DLG2: variants seen among roughly 807,000 people sequenced by gnomAD.
DLG2 encodes the protein disks large homolog 2.
DLG2 carries 45 observed loss-of-function variants against 132.5 expected under a neutral mutation model. The observed-to-expected ratio is 0.34, with a 90% CI of 0.27 to 0.44. The LOEUF (loss-of-function observed/expected upper bound fraction) is 0.44, where lower values mean the gene tolerates loss of function less well. Ranked by LOEUF, DLG2 falls within the 20% of genes least tolerant of loss-of-function variation. The pLI, the probability that DLG2 is intolerant of heterozygous loss-of-function variation, is 1.00. For synonymous variants in DLG2, 424 were observed against 419.6 expected (o/e 1.01, Z -0.13); for missense variants, 1,045 against 1,196.9 (o/e 0.87, Z 1.87).
chr11:84,527,548 T>C (rs1290513189), intron 7 of DLG2, among the ~76,000 whole-genome samples: 2 of 152,276 alleles, frequency 1.3e-5, no homozygotes, highest in East Asian at 1.9e-4. Context: ...CCAGCAAAGC[T>C]TCCCAGAACT....
intron 18 of DLG2, among the ~76,000 whole-genome samples, chr11:83,766,058 G>A (rs1205255106): frequency 1.3e-5 from 2 of 150,320 alleles, no homozygotes; most frequent in Non-Finnish European, 3.0e-5. Context: ...GAAGCAATAT[G>A]AATATTAAAA....
chr11:85,512,033 T>G (rs942312061), intron 3 of DLG2, among the ~76,000 whole-genome samples: 2 of 152,114 alleles, frequency 1.3e-5, no homozygotes, highest in African/African-American at 2.4e-5. Flanking sequence ...TCCATGGTGT[T>G]TCTCAGGAAG....
intron 3 of DLG2, among the ~76,000 whole-genome samples, chr11:85,402,447 T>G (rs2088234958): frequency 6.6e-6 from 1 of 152,068 alleles, no homozygotes; most frequent in South Asian, 2.1e-4. Context: ...ACCCCATGAC[T>G]AAAACACCAA....
chr11:85,331,594 G>T (rs139925311), intron 3 of DLG2, among the ~76,000 whole-genome samples: 2 of 152,294 alleles, frequency 1.3e-5, no homozygotes, highest in African/African-American at 2.4e-5. Context: ...CTGATAGGTA[G>T]TTCATCAAAC....
intron 2 of DLG2, among the ~76,000 whole-genome samples, chr11:85,622,609 A>G (rs1244323497): frequency 6.6e-6 from 1 of 150,998 alleles, no homozygotes; most frequent in Admixed American, 6.6e-5. Context: ...GAGAGTCATA[A>G]GGTCCTCTTC....
chr11:84,542,128 T>TGAGAGAGAGAGA (rs59128357), intron 6 of DLG2, among the ~76,000 whole-genome samples: 27 of 147,032 alleles, frequency 1.8e-4, no homozygotes, highest in Middle Eastern at 3.6e-3. Context: ...ACAGTACTGA[T>TGAGAGAGAGAGA]GAGAGAGAGA....
intron 6 of DLG2, among the ~76,000 whole-genome samples, chr11:84,620,713 TTGA>T (rs1388557855): frequency 4.6e-5 from 7 of 152,236 alleles, no homozygotes; most frequent in Admixed American, 3.9e-4. Context: ...AAATTTTGTG[TTGA>T]TGATGTGAAC....
chr11:84,879,276 A>G (rs2086906945), intron 6 of DLG2, among the ~76,000 whole-genome samples: 4 of 152,272 alleles, frequency 2.6e-5, no homozygotes, highest in Middle Eastern at 3.4e-3. Flanking sequence ...TTCTGGTTCA[A>G]TTAGACTCTT....
At chr11:84,630,464 T>G (rs2099629603) in intron 6 of DLG2, among the ~76,000 whole-genome samples, 1 of 152,160 alleles carries the variant, frequency 6.6e-6, no homozygotes. Flanking sequence ...CTCAACATTT[T>G]TAAACATCAT....
chr11:85,068,856 C>T (rs2065338033), intron 6 of DLG2, among the ~76,000 whole-genome samples: 1 of 152,060 alleles, frequency 6.6e-6, no homozygotes, highest in Admixed American at 6.6e-5. Context: ...AAATCCTAAG[C>T]CAAAAGAACA....
intron 4 of DLG2, among the ~76,000 whole-genome samples, chr11:85,159,746 T>C (rs946068389): frequency 1.3e-5 from 2 of 152,162 alleles, no homozygotes; most frequent in African/African-American, 4.8e-5. Flanking sequence ...ATAAGACCCA[T>C]CAGAAACAAT....
At chr11:84,783,121 C>T (rs1013497619) in intron 6 of DLG2, among the ~76,000 whole-genome samples, 2 of 152,120 alleles carry the variant, frequency 1.3e-5, no homozygotes, top group African/African-American at 2.4e-5. Context: ...CAATTGATCT[C>T]ACCCTGCTTA....
intron 6 of DLG2, among the ~76,000 whole-genome samples, chr11:84,778,462 A>T (rs2071098337): frequency 6.6e-6 from 1 of 152,148 alleles, no homozygotes; most frequent in South Asian, 2.1e-4. Context: ...TAAAATTTTT[A>T]AATTGCTTTT....
intron 6 of DLG2, among the ~76,000 whole-genome samples, chr11:84,610,508 T>G (rs2154537275): frequency 6.6e-6 from 1 of 152,142 alleles, no homozygotes; most frequent in South Asian, 2.1e-4. Context: ...AGAAGTCAGG[T>G]GGATTGGTAG....
intron 7 of DLG2, among the ~76,000 whole-genome samples, chr11:84,284,076 A>G (rs1330784327): frequency 2.6e-5 from 4 of 152,154 alleles, no homozygotes; most frequent in Admixed American, 2.6e-4. Flanking sequence ...TCTACTAAAA[A>G]TAACAAAATT....
chr11:85,383,165 C>T (rs558705533), intron 3 of DLG2, among the ~76,000 whole-genome samples: 3 of 152,208 alleles, frequency 2.0e-5, no homozygotes, highest in African/African-American at 2.4e-5. Context: ...GAATTAAGTA[C>T]TAATGTCTAC....
At chr11:84,542,435 A>G (rs989520591) in intron 6 of DLG2, among the ~76,000 whole-genome samples, 2 of 152,170 alleles carry the variant, frequency 1.3e-5, no homozygotes, top group Non-Finnish European at 2.9e-5. Flanking sequence ...TCTCTGTGTC[A>G]AGTTTTATCT....
intron 6 of DLG2, among the ~76,000 whole-genome samples, chr11:84,556,796 C>T (rs2099412824): frequency 6.6e-6 from 1 of 152,178 alleles, no homozygotes; most frequent in Admixed American, 6.6e-5. Flanking sequence ...TTAGCTCCCA[C>T]TTATAATTGA....
At chr11:85,104,350 T>C (rs1329039461) in intron 6 of DLG2, among the ~76,000 whole-genome samples, 1 of 151,942 alleles carries the variant, frequency 6.6e-6, no homozygotes, top group Non-Finnish European at 1.5e-5. Context: ...AAATATGGTA[T>C]ACTCATACAA....
Sources: gnomAD v4.1 joint callset for allele counts (sites outside exome capture counted in the v4.1 genomes callset) on GRCh38, gnomAD v4.1.1 for gene constraint, MANE v1.5 for transcripts, NCBI Gene and HGNC (gene_info 2026-07-23, HGNC 2026-07-21) for gene names.